CNTNAP2: variants seen among roughly 807,000 people sequenced by gnomAD.
The protein encoded by CNTNAP2 is contactin-associated protein-like 2.
A neutral mutation model predicts 155.2 loss-of-function variants in CNTNAP2; 98 were observed. The ratio of observed to expected loss-of-function variants is 0.63; its 90% CI spans 0.54 to 0.75. The LOEUF (loss-of-function observed/expected upper bound fraction) is 0.75. CNTNAP2 is among the 30% of genes least tolerant of loss of function. CNTNAP2 has a pLI of 0.00. For synonymous variants in CNTNAP2, 651 were observed against 631.2 expected (o/e 1.03, Z -0.47); for missense variants, 1,727 against 1,688.1 (o/e 1.02, Z -0.40).
chr7:148,259,870 A>G (rs980323768), intron 20 of CNTNAP2, among the ~76,000 whole-genome samples: 1 of 152,262 alleles, frequency 6.6e-6, no homozygotes, highest in African/African-American at 2.4e-5. Context: ...TGAACAAGTT[A>G]GTGTTCACTC....
intron 9 of CNTNAP2, among the ~76,000 whole-genome samples, chr7:147,321,722 C>G (rs1388624440): frequency 6.6e-6 from 1 of 152,150 alleles, no homozygotes; most frequent in African/African-American, 2.4e-5. Flanking sequence ...CCAAAGACAG[C>G]AGTTGACAAT....
At chr7:147,662,478 A>C (rs1795627880) in intron 13 of CNTNAP2, among the ~76,000 whole-genome samples, 1 of 152,210 alleles carries the variant, frequency 6.6e-6, no homozygotes, top group Admixed American at 6.5e-5. Context: ...AATGTAGCTA[A>C]GCAAGATATA....
intron 3 of CNTNAP2, among the ~76,000 whole-genome samples, chr7:146,900,200 G>A (rs1027127360): frequency 1.1e-4 from 16 of 152,106 alleles, no homozygotes; most frequent in Admixed American, 7.9e-4. Context: ...CCTGGCCATC[G>A]GGATATTTTT....
At chr7:146,603,982 C>A (rs1215683387) in intron 1 of CNTNAP2, among the ~76,000 whole-genome samples, 2 of 124,318 alleles carry the variant, frequency 1.6e-5, no homozygotes, top group African/African-American at 6.4e-5. Flanking sequence ...AGAAGAAAAC[C>A]TAGGCATTAC....
chr7:148,170,620 A>G (rs376502429), intron 17 of CNTNAP2, among the ~76,000 whole-genome samples: 30 of 152,354 alleles, frequency 2.0e-4, no homozygotes, highest in South Asian at 1.4e-3. Flanking sequence ...GAAGAAATCA[A>G]ATACTCCCAA....
chr7:147,683,212 A>T (rs928110666), intron 13 of CNTNAP2, among the ~76,000 whole-genome samples: 1 of 151,744 alleles, frequency 6.6e-6, no homozygotes, highest in Admixed American at 6.6e-5. Flanking sequence ...TTTGTCCAAC[A>T]TTCCCATGAA....
At chr7:147,968,486 A>G (rs1383849827) in intron 14 of CNTNAP2, among the ~76,000 whole-genome samples, 3 of 152,178 alleles carry the variant, frequency 2.0e-5, no homozygotes, top group African/African-American at 7.2e-5. Flanking sequence ...GGGCAAGGAC[A>G]CTATGAGAAA....
At chr7:148,238,356 A>G (rs1218853448) in intron 20 of CNTNAP2, among the ~76,000 whole-genome samples, 1 of 152,186 alleles carries the variant, frequency 6.6e-6, no homozygotes, top group East Asian at 1.9e-4. Context: ...TCAAAAAAAA[A>G]GAAGTCCCAA....
intron 1 of CNTNAP2, among the ~76,000 whole-genome samples, chr7:146,303,110 G>GCA (rs1563028681): frequency 2.7e-5 from 4 of 149,462 alleles, no homozygotes; most frequent in South Asian, 2.1e-4. Flanking sequence ...GTGTGTGTGC[G>GCA]CATGCATACA....
chr7:146,328,067 G>A (rs542642889), intron 1 of CNTNAP2, among the ~76,000 whole-genome samples: 23 of 152,282 alleles, frequency 1.5e-4, no homozygotes, highest in African/African-American at 5.3e-4. Context: ...TGTTAGGGAC[G>A]TGGCTGCTCA....
intron 16 of CNTNAP2, among the ~76,000 whole-genome samples, chr7:148,137,399 C>T (rs1256410793): frequency 2.6e-5 from 4 of 152,200 alleles, no homozygotes; most frequent in Non-Finnish European, 5.9e-5. Context: ...GTGGCTCACG[C>T]CTGTAATCCC....
At chr7:147,763,258 CAA>C (rs61666714) in intron 13 of CNTNAP2, among the ~76,000 whole-genome samples, 60 of 107,094 alleles carry the variant, frequency 5.6e-4, no homozygotes, top group South Asian at 1.8e-3. Context: ...GAAACTCAGT[CAA>C]AAAAAAAAAA....
intron 10 of CNTNAP2, among the ~76,000 whole-genome samples, chr7:147,469,322 T>G (rs1179738295): frequency 2.6e-5 from 4 of 152,050 alleles, no homozygotes; most frequent in Non-Finnish European, 4.4e-5. Flanking sequence ...TTACTAAATC[T>G]TTCCTTTAAT....
intron 3 of CNTNAP2, among the ~76,000 whole-genome samples, chr7:146,950,179 T>C (rs1180413926): frequency 1.3e-5 from 2 of 152,170 alleles, no homozygotes; most frequent in East Asian, 1.9e-4. Context: ...AATTATATTA[T>C]CTGAAAGTAC....
chr7:146,312,401 G>A (rs1800839829), intron 1 of CNTNAP2, among the ~76,000 whole-genome samples: 1 of 151,766 alleles, frequency 6.6e-6, no homozygotes, highest in Non-Finnish European at 1.5e-5. Context: ...TTAGGCTTTG[G>A]TGTGTTGGCG....
chr7:147,671,069 G>T (rs528718035), intron 13 of CNTNAP2, among the ~76,000 whole-genome samples: 1 of 152,166 alleles, frequency 6.6e-6, no homozygotes, highest in Non-Finnish European at 1.5e-5. Context: ...CCACTTACCC[G>T]TGTGCTCCTT....
chr7:146,916,874 G>T (rs192847930), intron 3 of CNTNAP2, among the ~76,000 whole-genome samples: 127 of 152,190 alleles, frequency 8.3e-4, no homozygotes, highest in African/African-American at 2.9e-3. Flanking sequence ...GGTTTGGTTT[G>T]TTCTTGTTTC....
At chr7:147,428,493 G>C (rs1057130728) in intron 10 of CNTNAP2, among the ~76,000 whole-genome samples, 1 of 152,068 alleles carries the variant, frequency 6.6e-6, no homozygotes, top group Non-Finnish European at 1.5e-5. Flanking sequence ...CATTGAATTA[G>C]ATTGCTACTG....
intron 13 of CNTNAP2, among the ~76,000 whole-genome samples, chr7:147,752,658 TTGTAATTAAAC>T (rs1431182035): frequency 6.6e-6 from 1 of 152,172 alleles, no homozygotes; most frequent in Non-Finnish European, 1.5e-5. Flanking sequence ...GCAGGCTGCT[TTGTAATTAAAC>T]TGGTCGCTGA....
Sources: gnomAD v4.1 joint callset for allele counts (sites outside exome capture counted in the v4.1 genomes callset) on GRCh38, gnomAD v4.1.1 for gene constraint, MANE v1.5 for transcripts, NCBI Gene and HGNC (gene_info 2026-07-23, HGNC 2026-07-21) for gene names.